The following DIAPH3 variants were observed in gnomAD, a reference collection of about 807,000 sequenced individuals.
DIAPH3 encodes diaphanous related formin 3.
In DIAPH3, 117 loss-of-function variants were observed where a neutral mutation model predicts 144.3. The observed-to-expected ratio is 0.81, with a 90% CI of 0.70 to 0.95. The LOEUF is 0.95. DIAPH3 is among the 40% of genes least tolerant of loss of function. The pLI is 0.00. For missense variants in DIAPH3, 1,421 were observed against 1,412.7 expected, an observed-to-expected ratio of 1.01 and a Z score of -0.09; for synonymous variants, 519 against 488.9, an observed-to-expected ratio of 1.06 and a Z score of -0.81.
At chr13:60,071,575 A>G (rs1206519798) in intron 4 of DIAPH3, among the ~76,000 whole-genome samples, 1 of 152,116 alleles carries the variant, frequency 6.6e-6, no homozygotes, top group Non-Finnish European at 1.5e-5. Flanking sequence ...TATTTTTATC[A>G]TATCCCATTT....
intron 4 of DIAPH3, among the ~76,000 whole-genome samples, chr13:60,050,675 A>C (rs182900692): frequency 6.6e-6 from 1 of 152,318 alleles, no homozygotes; most frequent in East Asian, 1.9e-4. Context: ...CCCTGATAGG[A>C]TCTTATAAAC....
At chr13:60,013,635 A>G (rs932996120) in intron 7 of DIAPH3, among the ~76,000 whole-genome samples, 1 of 152,214 alleles carries the variant, frequency 6.6e-6, no homozygotes, top group Non-Finnish European at 1.5e-5. Flanking sequence ...CTTTCATGTA[A>G]TGTTATCAAA....
At chr13:60,070,282 A>ATTTTTTTTTTTTT (rs61432510) in intron 4 of DIAPH3, among the ~76,000 whole-genome samples, 2 of 132,546 alleles carry the variant, frequency 1.5e-5, no homozygotes, top group African/African-American at 2.8e-5. Flanking sequence ...TTTCTGTTGG[A>ATTTTTTTTTTTTT]TTTTTTTTTT....
chr13:59,947,715 A>T (rs1687819137), intron 17 of DIAPH3, among the ~76,000 whole-genome samples: 2 of 151,948 alleles, frequency 1.3e-5, no homozygotes, highest in Non-Finnish European at 2.9e-5. Flanking sequence ...CCTGGGCAAC[A>T]GAGCAAGACT....
intron 1 of DIAPH3, among the ~76,000 whole-genome samples, chr13:60,155,521 A>T (rs565342374): frequency 2.0e-5 from 3 of 152,296 alleles, no homozygotes; most frequent in South Asian, 2.1e-4. Flanking sequence ...TGGCTGGGAA[A>T]ATTCAGAGCA....
At chr13:60,021,378 A>G (rs1426961264) in intron 5 of DIAPH3, among the ~76,000 whole-genome samples, 1 of 152,220 alleles carries the variant, frequency 6.6e-6, no homozygotes, top group Non-Finnish European at 1.5e-5. Flanking sequence ...TAATCCCAAC[A>G]CTTTGGGAGG....
At chr13:59,833,387 T>A in intron 23 of DIAPH3, 116 bp from the exon 24 acceptor site, 1 of 733,116 alleles carries the variant, frequency 1.4e-6, no homozygotes, top group Non-Finnish European at 2.2e-6. Context: ...TCCAAAATTC[T>A]AAAATTACTT....
chr13:59,788,794 A>C (rs77222611), intron 25 of DIAPH3, among the ~76,000 whole-genome samples: 6,472 of 152,314 alleles, frequency 0.042, 230 homozygotes, highest in South Asian at 0.1. Flanking sequence ...AGACCTTTCT[A>C]TGACCACTTA....
chr13:59,991,249 C>A lies in DIAPH3; in HGVS notation c.1270G>T (p.Val424Leu). 6.2e-7 allele frequency: 1 copy of A among 1,610,628 alleles called. No individual in the cohort carries two copies. The highest frequency in any genetic ancestry group is 8.5e-7 in the Non-Finnish European group (1 of 1,177,858). ...CTAGTTTCTTTAACTGTGCTCCACA[C>A]CATGTTGTAAACATCATATGCTTCA... is the stretch of plus-strand genomic sequence containing the variant. ...LDEAYDVYNM[V>L]WSTVKETRAE... Residue 424 changes from valine to leucine, a missense_variant, in exon 12 of 28, where the codon GTG (valine) becomes TTG (leucine). Transcript: ENST00000400324.
chr13:59,916,241 G>C lies in DIAPH3; in HGVS notation c.2179C>G (p.Leu727Val). ...SKIAQNLSIF[L>V]SSFRVPYEEI... ...TCATATGGCACCCGAAAAGAGCTCAGGAAGATTGCTAAGAAGGAGAAAGAG... is the reference window on the plus strand; with the variant it reads ...TCATATGGCACCCGAAAAGAGCTCACGAAGATTGCTAAGAAGGAGAAAGAG... The change falls in exon 19 of 28, where the codon CTG (leucine) becomes GTG (valine). Residue 727 changes from leucine (L) to valine (V), a missense_variant. Transcript: ENST00000400324. 1 of 1,612,762 alleles carries C rather than the reference G, an allele frequency of 6.2e-7. No homozygotes were observed. The highest frequency in any genetic ancestry group is 8.5e-7 in the Non-Finnish European group (1 of 1,179,124).
chr13:60,109,489 G>C (rs1009286281), intron 3 of DIAPH3, among the ~76,000 whole-genome samples: 5 of 147,082 alleles, frequency 3.4e-5, no homozygotes, highest in African/African-American at 1.0e-4. Flanking sequence ...GGAAAAGCAA[G>C]ATGGAGGAAA....
chr13:59,791,930 G>C (rs561421617), intron 25 of DIAPH3, among the ~76,000 whole-genome samples: 1 of 152,144 alleles, frequency 6.6e-6, no homozygotes, highest in Admixed American at 6.5e-5. Context: ...CCTAGCCACT[G>C]GGGATTGCTG....
intron 27 of DIAPH3, among the ~76,000 whole-genome samples, chr13:59,698,573 CT>C (rs1223114366): frequency 6.6e-6 from 1 of 152,162 alleles, no homozygotes; most frequent in Non-Finnish European, 1.5e-5. Context: ...TTTCATCTAT[CT>C]TTTTAAAATC....
intron 27 of DIAPH3, among the ~76,000 whole-genome samples, chr13:59,672,309 G>A (rs886308653): frequency 6.6e-6 from 1 of 152,182 alleles, no homozygotes; most frequent in Admixed American, 6.5e-5. Context: ...CCAACTCTCA[G>A]ATGAAGTATA....
At chr13:59,773,001 T>C (rs186114176) in intron 27 of DIAPH3, among the ~76,000 whole-genome samples, 103 of 152,204 alleles carry the variant, frequency 6.8e-4, no homozygotes, top group African/African-American at 2.1e-3. Context: ...AAGATCAGGA[T>C]AGATCTACTC....
intron 27 of DIAPH3, among the ~76,000 whole-genome samples, chr13:59,713,908 A>G: frequency 6.6e-6 from 1 of 152,164 alleles, no homozygotes; most frequent in East Asian, 1.9e-4. Context: ...GCAAAAAGGA[A>G]AATTAAGAGT....
chr13:59,976,936 T>A (rs540315372), intron 14 of DIAPH3, among the ~76,000 whole-genome samples: 1 of 151,918 alleles, frequency 6.6e-6, no homozygotes, highest in African/African-American at 2.4e-5. Flanking sequence ...ATGTTGCTAT[T>A]CTTTGTAAAG....
chr13:60,028,255 C>T lies in DIAPH3; in HGVS notation c.627-12110G>A, dbSNP rs565760747. 2.6e-4 allele frequency among the ~76,000 whole-genome samples: 40 copies of T among 152,240 alleles called. 1 individual carries two copies. In the South Asian group the frequency reaches 7.5e-3, roughly 28 times the overall value. On this transcript the variant is annotated intron_variant, in intron 5 of 27. Coordinates refer to ENST00000400324, the MANE Select transcript of DIAPH3 (RefSeq NM_001042517.2). ...CAAAAAATTTCATCACAAGCATGGT[C>T]AGCACTTCTTGCCATCCATTCACTC...
intron 20 of DIAPH3, among the ~76,000 whole-genome samples, chr13:59,905,029 C>T (rs1384183264): frequency 6.6e-6 from 1 of 151,726 alleles, no homozygotes; most frequent in Non-Finnish European, 1.5e-5. Context: ...GAAAAGAATC[C>T]TCACTTATAT....
Sources: gnomAD v4.1 joint callset for allele counts (sites outside exome capture counted in the v4.1 genomes callset) on GRCh38, gnomAD v4.1.1 for gene constraint, MANE v1.5 for transcripts, NCBI Gene and HGNC (gene_info 2026-07-23, HGNC 2026-07-21) for gene names.